The following VPS13C variants were observed in gnomAD, a reference collection of about 807,000 sequenced individuals.
VPS13C encodes vacuolar protein sorting 13 homolog C.
Under a neutral mutation model 456.8 loss-of-function variants are expected in VPS13C, and 358 were observed. That is an observed-to-expected ratio of 0.78 (90% CI 0.72 to 0.86). VPS13C has a LOEUF of 0.86. VPS13C is among the 40% of genes least tolerant of loss of function. The probability of loss-of-function intolerance (pLI) is 0.00; values close to 1 mark genes in which losing one functional copy is unlikely to be tolerated. For synonymous variants in VPS13C, 1,578 were observed against 1,486.7 expected (o/e 1.06, Z -1.41); for missense variants, 4,818 against 4,385.4 (o/e 1.10, Z -2.79).
In VPS13C at chr15:61,858,478, T is replaced by A. The variant is rs1295137594; in HGVS notation, c.10953-2069A>T. On this transcript the variant is annotated intron_variant, in intron 82 of 84. Coordinates refer to ENST00000644861, the MANE Select transcript of VPS13C (RefSeq NM_020821.3). This position sits in a 1 kb window ranked among gnomAD's most constrained non-coding sequence, Gnocchi z 4.4. ...CATTCTTTAGGCCCTCCCCACTTCC[T>A]ACCATGATAGCTGCCACAGTCTCTA... 6.6e-6 allele frequency among the ~76,000 whole-genome samples: 1 copy of A among 152,138 alleles called. No homozygotes were observed. The highest frequency in any genetic ancestry group is 1.5e-5 in the Non-Finnish European group (1 of 68,024).
Position 62,000,738 on chromosome 15 carries a change from T to G in VPS13C, c.1291-112A>C, listed in dbSNP as rs575064945. ...TCCATTATCAGTACCTGTGACCTAA[T>G]GAAAGTATTAGTATAAATTTGAATG... On this transcript the variant is annotated intron_variant, in intron 15 of 84. Transcript: ENST00000644861. 3.5e-4 allele frequency: 259 copies of G among 750,574 alleles called. No individual in the cohort carries two copies. The African/African-American group carries it at 4.0e-3, about 12-fold the overall frequency. The allele number at this position is 750,574 out of a possible 1,614,324, so 46.5% of individuals were successfully genotyped here.
intron 36 of VPS13C, 116 bp downstream of exon 36, chr15:61,959,332 T>G (rs1330320391): frequency 2.4e-6 from 2 of 848,378 alleles, no homozygotes; most frequent in East Asian, 5.5e-5. Flanking sequence ...AAAGTCTCAC[T>G]GAAATTTCTC....
chr15:61,940,562 C>T, intron 47 of VPS13C, 85 bp downstream of exon 47: 5 of 1,341,176 alleles, frequency 3.7e-6, no homozygotes, highest in East Asian at 4.7e-5. Context: ...GCAACTCCTA[C>T]ATTCTGATAT....
intron 32 of VPS13C, 28 bp downstream of exon 32, chr15:61,963,807 C>T (rs1366525117): frequency 1.3e-6 from 2 of 1,522,548 alleles, no homozygotes; most frequent in South Asian, 2.3e-5. Context: ...ATCTTTTCGC[C>T]AATTTTCAAT....
At chr15:61,912,030 T>A in intron 62 of VPS13C, 26 bp from the exon 63 acceptor site, 1 of 1,535,614 alleles carries the variant, frequency 6.5e-7, no homozygotes, top group Non-Finnish European at 8.8e-7. Flanking sequence ...AAGCTTATTT[T>A]CCAGTTTATT....
chr15:61,863,365 C>G (rs1173700132), intron 82 of VPS13C, 75 bp downstream of exon 82: 2 of 1,108,296 alleles, frequency 1.8e-6, no homozygotes, highest in African/African-American at 3.2e-5. Context: ...AACTCTTCTG[C>G]CATTTTAGCC....
At chr15:62,025,815 A>T (rs922655067) in intron 6 of VPS13C, among the ~76,000 whole-genome samples, 1 of 152,034 alleles carries the variant, frequency 6.6e-6, no homozygotes, top group Non-Finnish European at 1.5e-5. Flanking sequence ...TAACTTGAGG[A>T]CTCTAAAGAA....
At chr15:62,008,002 AG>A (rs2046909882) in intron 14 of VPS13C, among the ~76,000 whole-genome samples, 1 of 152,074 alleles carries the variant, frequency 6.6e-6, no homozygotes, top group African/African-American at 2.4e-5. Context: ...GCACTTTGGG[AG>A]GCCGAGGAGA....
In VPS13C at chr15:61,959,405, T is replaced by C. The variant is rs201962489; in HGVS notation, c.4056+43A>G. The C allele has an allele frequency of 4.1e-5, 61 of 1,502,352 alleles. No individual in the cohort carries two copies. The Middle Eastern group carries it at 5.7e-4, about 14-fold the overall frequency. 93.1% of individuals were successfully genotyped at this position (1,502,352 alleles called of 1,614,324 possible). A position where few individuals can be genotyped will look rare whatever the true frequency, so the allele number is the denominator to read the frequency against. ...ATTTCTGCTAAAAGTCTTTGGAGTT[T>C]AAAATTTCAACAATGAAGTTTTTTC... On this transcript the variant is annotated intron_variant, in intron 36 of 84. Coordinates refer to ENST00000644861, the MANE Select transcript of VPS13C (RefSeq NM_020821.3).
intron 1 of VPS13C, among the ~76,000 whole-genome samples, chr15:62,059,231 C>A (rs966032020): frequency 4.6e-5 from 7 of 152,164 alleles, no homozygotes; most frequent in Non-Finnish European, 1.0e-4. Flanking sequence ...TACAGCAAGT[C>A]TCAATTAGCA....
intron 1 of VPS13C, among the ~76,000 whole-genome samples, chr15:62,059,518 C>G (rs928005157): frequency 6.6e-6 from 1 of 152,158 alleles, no homozygotes; most frequent in African/African-American, 2.4e-5. Flanking sequence ...CTTTTATACA[C>G]TTAATCTCCA....
At chr15:61,967,278 A>C in intron 29 of VPS13C, 90 bp downstream of exon 29, 1 of 1,075,126 alleles carries the variant, frequency 9.3e-7, no homozygotes, top group Non-Finnish European at 1.4e-6. Flanking sequence ...ATACACATCC[A>C]GAGCCATTAG....
chr15:62,023,553 G>A, intron 7 of VPS13C, 33 bp from the exon 8 acceptor site: 6 of 1,477,676 alleles, frequency 4.1e-6, no homozygotes, highest in Non-Finnish European at 5.5e-6. Context: ...AAGCTCAAGA[G>A]TTGAAATTCT....
intron 73 of VPS13C, 122 bp downstream of exon 73, chr15:61,880,487 A>T: frequency 1.6e-6 from 1 of 610,462 alleles, no homozygotes; most frequent in Non-Finnish European, 2.7e-6. Context: ...TATTTCGATT[A>T]ATCAAACAAA....
Position 61,918,238 on chromosome 15 carries a change from A to G in VPS13C, c.7658T>C (p.Ile2553Thr), listed in dbSNP as rs1254396267. 1 of 1,574,066 alleles carries G rather than the reference A, an allele frequency of 6.4e-7. No homozygotes were observed. The highest frequency in any genetic ancestry group is 1.9e-5 in the Admixed American group (1 of 51,624). The change falls in exon 59 of 85, where the codon ATT becomes ACT. Residue 2553 changes from isoleucine (I) to threonine (T), a missense_variant. By Grantham distance (89) the Ile-to-Thr change is moderately conservative. Transcript: ENST00000644861. ...SPLQIKNHFS[I>T]AFIIYKFVKN... Reference sequence around the variant, plus strand: ...AACAAATTTATAGATGATAAATGCAATGGAGAAATGGTTTTTGATCTGTTG... The same window carrying G: ...AACAAATTTATAGATGATAAATGCAGTGGAGAAATGGTTTTTGATCTGTTG...
chr15:62,049,081 T>C (rs2048529504), intron 1 of VPS13C, among the ~76,000 whole-genome samples: 1 of 152,170 alleles, frequency 6.6e-6, no homozygotes, highest in East Asian at 1.9e-4. Context: ...GTAGTTTCTT[T>C]TGCTGTGCAG....
At chr15:62,021,968 G>C (rs891792997) in intron 8 of VPS13C, among the ~76,000 whole-genome samples, 2 of 151,714 alleles carry the variant, frequency 1.3e-5, no homozygotes, top group African/African-American at 4.8e-5. Context: ...ACATAATTTT[G>C]CAAGTGAAAG....
chr15:61,958,250 T>C (rs2045074807), intron 37 of VPS13C, among the ~76,000 whole-genome samples: 1 of 152,210 alleles, frequency 6.6e-6, no homozygotes, highest in Middle Eastern at 3.4e-3. Flanking sequence ...CCAAGCCTTA[T>C]TGAAAAATCA....
At chr15:61,992,193 A>G (rs932989301) in intron 16 of VPS13C, among the ~76,000 whole-genome samples, 3 of 152,194 alleles carry the variant, frequency 2.0e-5, no homozygotes, top group African/African-American at 7.2e-5. Context: ...ATTTAAAACA[A>G]TTATATTTCA....
Sources: allele counts gnomAD v4.1 joint callset (sites outside exome capture counted in the v4.1 genomes callset), GRCh38; gene constraint gnomAD v4.1.1; non-coding constraint Gnocchi (gnomAD v3.1); transcripts MANE v1.5; gene names NCBI Gene and HGNC (gene_info 2026-07-23, HGNC 2026-07-21).